DNM3: variants seen among roughly 807,000 people sequenced by gnomAD.
DNM3 encodes the protein dynamin-3.
DNM3 carries 47 observed loss-of-function variants against 101.6 expected under a neutral mutation model. That is an observed-to-expected ratio of 0.46 (90% confidence interval 0.37 to 0.59). DNM3 has a LOEUF of 0.59. Among genes scored for constraint, DNM3 ranks in the 20% least tolerant of loss-of-function variants. The pLI is 0.00. For synonymous variants in DNM3, 385 were observed against 387.9 expected, an observed-to-expected ratio of 0.99 and a Z score of 0.09; for missense variants, 849 against 1,085.7, an observed-to-expected ratio of 0.78 and a Z score of 3.06.
intron 15 of DNM3, among the ~76,000 whole-genome samples, chr1:172,282,041 C>G (rs1465914868): frequency 2.6e-5 from 4 of 152,166 alleles, no homozygotes; most frequent in African/African-American, 9.7e-5. Context: ...TCATATCCCA[C>G]CTGTAGGCAA....
chr1:172,120,015 C>A (rs933170191), intron 13 of DNM3, among the ~76,000 whole-genome samples: 6 of 152,266 alleles, frequency 3.9e-5, no homozygotes, highest in South Asian at 4.1e-4. Flanking sequence ...CTATCAATCA[C>A]CCTGTATCCT....
At position 171,997,007 on chromosome 1, in the gene DNM3, A is replaced by G. The variant is rs78289083; in HGVS notation, c.589+7859A>G. On this transcript the variant is annotated intron_variant, in intron 4 of 20. Transcript: ENST00000627582. Reference sequence around the variant, plus strand: ...TGATCACGCTACTGCACTCCAGCCTAGGTGACAGAGTGAGACCTTGTCTCA... The same window carrying G: ...TGATCACGCTACTGCACTCCAGCCTGGGTGACAGAGTGAGACCTTGTCTCA... 5.1e-3 allele frequency among the ~76,000 whole-genome samples: 771 copies of G among 152,058 alleles called. 33 individuals carry two copies. In the East Asian group the frequency reaches 0.11, roughly 21 times the overall value.
At chr1:172,222,970 T>C (rs1361446991) in intron 14 of DNM3, among the ~76,000 whole-genome samples, 1 of 152,164 alleles carries the variant, frequency 6.6e-6, no homozygotes, top group Non-Finnish European at 1.5e-5. Context: ...AGTAGTTGTA[T>C]ATACTATGGG....
chr1:171,962,380 G>T (rs1273899980), intron 2 of DNM3, among the ~76,000 whole-genome samples: 1 of 152,166 alleles, frequency 6.6e-6, no homozygotes, highest in East Asian at 1.9e-4. Context: ...AGGTTACCAG[G>T]GGTTGGAGGA....
At chr1:172,240,390 A>T (rs2061705859) in intron 14 of DNM3, among the ~76,000 whole-genome samples, 1 of 152,074 alleles carries the variant, frequency 6.6e-6, no homozygotes, top group Non-Finnish European at 1.5e-5. Flanking sequence ...GTGACAAATG[A>T]TGGGGGGAAA....
chr1:172,196,230 A>AATC (rs2148464282), intron 14 of DNM3, among the ~76,000 whole-genome samples: 1 of 151,932 alleles, frequency 6.6e-6, no homozygotes, highest in African/African-American at 2.4e-5. Flanking sequence ...CTCAAAAGAC[A>AATC]ATCTCATTCT....
At chr1:172,010,810 T>C (rs1270377337) in intron 4 of DNM3, among the ~76,000 whole-genome samples, 1 of 151,290 alleles carries the variant, frequency 6.6e-6, no homozygotes, top group African/African-American at 2.4e-5. Context: ...TTACTCATGT[T>C]CGTGTTTTAT....
intron 15 of DNM3, among the ~76,000 whole-genome samples, chr1:172,306,101 T>G (rs1254191017): frequency 6.6e-6 from 1 of 152,212 alleles, no homozygotes; most frequent in African/African-American, 2.4e-5. Context: ...TGTCCCTGTT[T>G]GTAGATGACA....
At chr1:172,066,463 A>G (rs1212175335) in intron 10 of DNM3, among the ~76,000 whole-genome samples, 1 of 152,058 alleles carries the variant, frequency 6.6e-6, no homozygotes, top group Non-Finnish European at 1.5e-5. Flanking sequence ...TCAGGTCGCT[A>G]GTCCTCTTCT....
chr1:172,014,984 A>G lies in DNM3; in HGVS notation c.590-17418A>G, dbSNP rs868586751. On this transcript the variant is annotated intron_variant, in intron 4 of 20. Coordinates refer to ENST00000627582, the MANE Select transcript of DNM3 (RefSeq NM_015569.5). Reference sequence around the variant, plus strand: ...GAGTGTGAGGTTTGTGTCTATATTCATCTTTTAGCATGTAGGTGTCCAGTT... The same window carrying G: ...GAGTGTGAGGTTTGTGTCTATATTCGTCTTTTAGCATGTAGGTGTCCAGTT... 5.3e-5 allele frequency among the ~76,000 whole-genome samples: 8 copies of G among 151,992 alleles called. 1 individual carries two copies. In the Middle Eastern group the frequency reaches 0.01, roughly 194 times the overall value.
intron 4 of DNM3, among the ~76,000 whole-genome samples, chr1:171,991,275 T>G (rs1276078515): frequency 6.6e-6 from 1 of 152,132 alleles, no homozygotes; most frequent in Non-Finnish European, 1.5e-5. Context: ...CAGATCACAC[T>G]GATTGAGGGT....
chr1:172,160,501 A>G (rs1015760958), intron 14 of DNM3, among the ~76,000 whole-genome samples: 2 of 152,082 alleles, frequency 1.3e-5, no homozygotes, highest in East Asian at 3.9e-4. Flanking sequence ...GCCCAGGTCC[A>G]CACAGGATTG....
rs566123514 is a variant in DNM3 at position 171,981,471 on chromosome 1, T to G, written c.236-6185T>G. The stretch of plus-strand genomic sequence containing the variant: ...GGGCATATTGGAAATATTTAAATTC[T>G]TACAGTCATGCTGTGCTTTTCACAG... On this transcript the variant is annotated intron_variant, in intron 2 of 20. Coordinates refer to ENST00000627582, the MANE Select transcript of DNM3 (RefSeq NM_015569.5). 2.0e-5 allele frequency among the ~76,000 whole-genome samples: 3 copies of G among 152,362 alleles called. No homozygotes were observed. In the East Asian group the frequency reaches 5.8e-4, roughly 29 times the overall value.
chr1:172,382,371 C>T (rs2068956555), intron 18 of DNM3, among the ~76,000 whole-genome samples: 1 of 152,142 alleles, frequency 6.6e-6, no homozygotes, highest in South Asian at 2.1e-4. Context: ...TGAAGTGGAT[C>T]CAGCTTTATT....
At chr1:171,867,984 G>T (rs527473273) in intron 1 of DNM3, among the ~76,000 whole-genome samples, 2 of 152,020 alleles carry the variant, frequency 1.3e-5, no homozygotes, top group Non-Finnish European at 2.9e-5. Flanking sequence ...AATATCTTGG[G>T]TTGTAGAAAG....
At chr1:171,873,961 A>G (rs2035535371) in intron 1 of DNM3, among the ~76,000 whole-genome samples, 1 of 152,178 alleles carries the variant, frequency 6.6e-6, no homozygotes, top group Non-Finnish European at 1.5e-5. Flanking sequence ...TTTTTCTTCT[A>G]AGTGTTGCTT....
At chr1:171,843,328 G>A (rs116761493) in intron 1 of DNM3, among the ~76,000 whole-genome samples, 5,785 of 151,938 alleles carry the variant, frequency 0.038, 160 homozygotes, top group Non-Finnish European at 0.058. Context: ...TTTTGCCTAC[G>A]TCATCTTAGA....
intron 15 of DNM3, among the ~76,000 whole-genome samples, chr1:172,269,815 G>A (rs1195831344): frequency 6.6e-6 from 1 of 152,174 alleles, no homozygotes; most frequent in Admixed American, 6.5e-5. Flanking sequence ...AGCCAGTAGT[G>A]AGACAGCAAG....
chr1:172,209,697 G>A (rs1205946917), intron 14 of DNM3, among the ~76,000 whole-genome samples: 1 of 152,020 alleles, frequency 6.6e-6, no homozygotes, highest in African/African-American at 2.4e-5. Context: ...GAAATGGCTT[G>A]TAAGCACATA....
Sources: allele counts gnomAD v4.1 joint callset (sites outside exome capture counted in the v4.1 genomes callset), GRCh38; gene constraint gnomAD v4.1.1; transcripts MANE v1.5; gene names NCBI Gene and HGNC (gene_info 2026-07-23, HGNC 2026-07-21).